Variants in PREX1 observed in about 807,000 individuals in gnomAD.
PREX1 encodes the protein phosphatidylinositol-3,4,5-trisphosphate dependent Rac exchange factor 1.
PREX1 carries 41 observed loss-of-function variants against 198.3 expected under a neutral mutation model. The ratio of observed to expected loss-of-function variants is 0.21; its 90% CI spans 0.16 to 0.27. PREX1 has a LOEUF of 0.27. PREX1 is among the 10% of genes least tolerant of loss of function. The pLI is 1.00. For synonymous variants in PREX1, 843 were observed against 887.2 expected (o/e 0.95, Z 0.89); for missense variants, 1,620 against 2,200.7 (o/e 0.74, Z 5.28).
intron 4 of PREX1, among the ~76,000 whole-genome samples, chr20:48,729,270 T>C (rs2090023545): frequency 6.6e-6 from 1 of 151,970 alleles, no homozygotes. Flanking sequence ...AGAGACAGGG[T>C]TTTGCCATGT....
At chr20:48,869,269 G>A in the PREX1 span, among the ~76,000 whole-genome samples, 2 of 150,208 alleles carry the variant, frequency 1.3e-5, no homozygotes, top group African/African-American at 4.9e-5. Flanking sequence ...CTATTTTTTT[G>A]CAGTGTTTTT....
the PREX1 span, among the ~76,000 whole-genome samples, chr20:48,886,309 G>A: frequency 7.2e-5 from 11 of 152,198 alleles, no homozygotes; most frequent in African/African-American, 1.7e-4. Context: ...GTCACACGCA[G>A]GTGCTCTGAT....
the PREX1 span, among the ~76,000 whole-genome samples, chr20:48,881,920 C>A: frequency 6.6e-6 from 1 of 151,270 alleles, no homozygotes; most frequent in Admixed American, 6.6e-5. Flanking sequence ...CTTTCCCCAC[C>A]CCCACCCCCA....
chr20:48,874,186 G>T, the PREX1 span, among the ~76,000 whole-genome samples: 1 of 152,130 alleles, frequency 6.6e-6, no homozygotes, highest in Non-Finnish European at 1.5e-5. Context: ...GGAATCTGGG[G>T]TTAAAATGCT....
chr20:48,707,940 C>T (rs1008979474), intron 6 of PREX1, among the ~76,000 whole-genome samples: 1 of 152,128 alleles, frequency 6.6e-6, no homozygotes, highest in Non-Finnish European at 1.5e-5. Flanking sequence ...AGCTCAAAGG[C>T]CTCCACATAC....
intron 4 of PREX1, among the ~76,000 whole-genome samples, chr20:48,733,799 G>A (rs1480146111): frequency 6.6e-6 from 1 of 151,910 alleles, no homozygotes; most frequent in Non-Finnish European, 1.5e-5. Context: ...CTCCCAGGTT[G>A]GAGTACAGTG....
At chr20:48,692,634 C>T (rs766375688) in intron 8 of PREX1, 38 bp downstream of exon 8, 1 of 1,513,760 alleles carries the variant, frequency 6.6e-7, no homozygotes, top group South Asian at 1.1e-5. Context: ...GCAGGCAGGG[C>T]TCAGGCAGGG....
In PREX1 at chr20:48,708,568, GA is replaced by G. The variant is rs2089914436; in HGVS notation, c.622-148del. Reference sequence around the variant, plus strand: ...AGTAAAGGAGATGAGCCAAAGCAAAGAAAACTCAGGTATGGAATCCAATGTC... The same window carrying G: ...AGTAAAGGAGATGAGCCAAAGCAAAGAAACTCAGGTATGGAATCCAATGTC... On this transcript the variant is annotated intron_variant, in intron 5 of 39. Transcript: ENST00000371941. 6 of 827,840 alleles carry G rather than the reference GA, an allele frequency of 7.2e-6. No homozygotes were observed. In the South Asian group the frequency reaches 8.7e-5, roughly 12 times the overall value. 51.3% of individuals were successfully genotyped at this position (827,840 alleles called of 1,614,324 possible). A position where few individuals can be genotyped will look rare whatever the true frequency, so the allele number is the denominator to read the frequency against.
intron 6 of PREX1, among the ~76,000 whole-genome samples, chr20:48,704,161 TG>T (rs1329890528): frequency 3.3e-5 from 5 of 152,248 alleles, no homozygotes; most frequent in African/African-American, 1.2e-4. Context: ...TGAAGTGACT[TG>T]TTCATGGTCA....
chr20:48,765,535 G>A (rs887232565), intron 1 of PREX1, among the ~76,000 whole-genome samples: 2 of 152,196 alleles, frequency 1.3e-5, no homozygotes, highest in Admixed American at 6.5e-5. Context: ...AGTGCTTACT[G>A]CATGCCAATG....
intron 22 of PREX1, among the ~76,000 whole-genome samples, 160 bp downstream of exon 22, chr20:48,651,236 C>A (rs1214611207): frequency 2.0e-5 from 3 of 152,264 alleles, no homozygotes; most frequent in African/African-American, 7.2e-5. Flanking sequence ...CAGTCCCACG[C>A]TACCTAGTGG....
chr20:48,810,424 AAAT>A (rs1054234157), intron 1 of PREX1, among the ~76,000 whole-genome samples: 3 of 151,952 alleles, frequency 2.0e-5, no homozygotes, highest in African/African-American at 7.3e-5. Context: ...TCTCTAAAAA[AAAT>A]TTTTTAATTA....
the PREX1 span, among the ~76,000 whole-genome samples, chr20:48,876,074 G>C: frequency 1.3e-5 from 2 of 152,152 alleles, no homozygotes; most frequent in African/African-American, 4.8e-5. Context: ...CTCACCCCAA[G>C]GGACTTGAGT....
intron 6 of PREX1, among the ~76,000 whole-genome samples, chr20:48,705,551 A>G (rs2089899004): frequency 5.9e-5 from 9 of 152,218 alleles, no homozygotes; most frequent in Admixed American, 5.9e-4. Context: ...TCAAAAGAAT[A>G]TGTCAAATAA....
Position 48,661,436 on chromosome 20 carries a change from AAAAAAAAAATATATATATAT to A in PREX1, c.1739-1395_1739-1376del, listed in dbSNP as rs2089591361. Reference sequence around the variant, plus strand: ...CTCCATCTCAAAAAAAAAAAAAAAAAAAAAAAAAATATATATATATATATATATATATACACACACATATA... The same window carrying A: ...CTCCATCTCAAAAAAAAAAAAAAAAAATATATATATATACACACACATATA... On this transcript the variant is annotated intron_variant, in intron 15 of 39. Coordinates refer to ENST00000371941, the MANE Select transcript of PREX1 (RefSeq NM_020820.4). Among the ~76,000 whole-genome samples, 2 of 96,060 alleles carry A rather than the reference AAAAAAAAAATATATATATAT, an allele frequency of 2.1e-5. 1 individual carries two copies. Among genetic ancestry groups the A allele is most frequent in the African/African-American group, 1.5e-4 (2 of 13,234 alleles). 63.0% of individuals were successfully genotyped at this position (96,060 alleles called of 152,430 possible).
Position 48,625,649 on chromosome 20 carries a change from C to T in PREX1, c.*236G>A. The T allele has an allele frequency of 3.8e-6, 2 of 524,470 alleles. No homozygotes were observed. The highest frequency in any genetic ancestry group is 4.1e-5 in the Admixed American group (1 of 24,544). The allele number at this position is 524,470 out of a possible 1,614,324, so 32.5% of individuals were successfully genotyped here. A position where few individuals can be genotyped will look rare whatever the true frequency, so the allele number is the denominator to read the frequency against. ...AGCTCTATGGGTCTCCAGCACCCCT[C>T]CAGCTTCTGGCAGGCGTGTGAAGAA... On this transcript the variant is annotated 3_prime_UTR_variant, in exon 40 of 40. Transcript: ENST00000371941.
the PREX1 span, among the ~76,000 whole-genome samples, chr20:48,869,894 G>A: frequency 3.3e-5 from 5 of 152,148 alleles, no homozygotes; most frequent in Admixed American, 6.6e-5. Flanking sequence ...CCTAATGCAC[G>A]CTGGGCTTAA....
chr20:48,808,368 G>A (rs1267755341), intron 1 of PREX1, among the ~76,000 whole-genome samples: 2 of 152,160 alleles, frequency 1.3e-5, no homozygotes, highest in Non-Finnish European at 2.9e-5. Flanking sequence ...TAACACCACT[G>A]TGCAGATGAG....
chr20:48,827,785 C>A lies in PREX1; in HGVS notation c.76G>T (p.Gly26Cys). 8.8e-7 allele frequency: 1 copy of A among 1,130,524 alleles called. No individual in the cohort carries two copies. The highest frequency in any genetic ancestry group is 1.1e-6 in the Non-Finnish European group (1 of 916,030). 70.0% of individuals were successfully genotyped at this position (1,130,524 alleles called of 1,614,324 possible). A position where few individuals can be genotyped will look rare whatever the true frequency, so the allele number is the denominator to read the frequency against. The change falls in exon 1 of 40, where the codon GGC becomes TGC. Residue 26 changes from glycine (G) to cysteine (C), a missense_variant. Coordinates refer to ENST00000371941, the MANE Select transcript of PREX1 (RefSeq NM_020820.4). The surrounding 1 kb of genome is among the most constrained non-coding windows in gnomAD (Gnocchi z 4.1). ...DCAHPDPRAP[G>C]AAAPSSGPGP... ...GGGCCGGAGCTGGGCGCCGCGGCGCCAGGGGCCCGGGGGTCCGGGTGGGCG... is the reference window on the plus strand; with the variant it reads ...GGGCCGGAGCTGGGCGCCGCGGCGCAAGGGGCCCGGGGGTCCGGGTGGGCG...
Sources: gnomAD v4.1 joint callset for allele counts (sites outside exome capture counted in the v4.1 genomes callset) on GRCh38, gnomAD v4.1.1 for gene constraint, Gnocchi (gnomAD v3.1) non-coding constraint, MANE v1.5 for transcripts, NCBI Gene and HGNC (gene_info 2026-07-23, HGNC 2026-07-21) for gene names.